Variants in DTNB observed in about 807,000 individuals in gnomAD.
DTNB encodes the protein DTN-B.
DTNB carries 63 observed loss-of-function variants against 90.7 expected under a neutral mutation model. The observed-to-expected ratio is 0.69, with a 90% confidence interval of 0.57 to 0.86. DTNB has a LOEUF of 0.86. Ranked by LOEUF, DTNB falls within the 40% of genes least tolerant of loss-of-function variation. The probability of loss-of-function intolerance (pLI) is 0.00; values close to 1 mark genes in which losing one functional copy is unlikely to be tolerated. For synonymous variants in DTNB, 277 were observed against 286.7 expected, an observed-to-expected ratio of 0.97 and a Z score of 0.34; for missense variants, 744 against 807.1, an observed-to-expected ratio of 0.92 and a Z score of 0.95.
intron 7 of DTNB, among the ~76,000 whole-genome samples, chr2:25,578,125 G>C (rs2060990006): frequency 6.6e-6 from 1 of 152,046 alleles, no homozygotes; most frequent in Non-Finnish European, 1.5e-5. Context: ...TTCTAGACTT[G>C]CTTCCAAAAA....
At chr2:25,544,999 C>G (rs1046664757) in intron 8 of DTNB, among the ~76,000 whole-genome samples, 14 of 152,152 alleles carry the variant, frequency 9.2e-5, no homozygotes, top group African/African-American at 3.4e-4. Context: ...GTAGAGAAAT[C>G]TGGATTGATC....
At chr2:25,599,814 G>A (rs1336155117) in intron 5 of DTNB, among the ~76,000 whole-genome samples, 2 of 152,170 alleles carry the variant, frequency 1.3e-5, no homozygotes, top group Non-Finnish European at 2.9e-5. Context: ...CTGGCTGCTG[G>A]TCAGGCGTGG....
chr2:25,504,066 G>A (rs1351696001), intron 9 of DTNB, among the ~76,000 whole-genome samples: 1 of 152,152 alleles, frequency 6.6e-6, no homozygotes, highest in African/African-American at 2.4e-5. Context: ...TTGGGAATTC[G>A]AGACCAGTCT....
chr2:25,658,170 T>C (rs760081716), intron 1 of DTNB, among the ~76,000 whole-genome samples: 7 of 151,724 alleles, frequency 4.6e-5, no homozygotes, highest in African/African-American at 1.5e-4. Flanking sequence ...GGCAGGAGAA[T>C]TGGTTGAACC....
At chr2:25,590,243 C>T (rs1245215706) in intron 6 of DTNB, among the ~76,000 whole-genome samples, 1 of 152,214 alleles carries the variant, frequency 6.6e-6, no homozygotes, top group African/African-American at 2.4e-5. Context: ...CACAACATGG[C>T]AAGCAAGGGG....
rs531878652 is a variant in DTNB at position 25,664,433 on chromosome 2, C to T, written c.-2+8953G>A. Among the ~76,000 whole-genome samples, 6 of 152,262 alleles carry T rather than the reference C, an allele frequency of 3.9e-5. No homozygotes were observed. The East Asian group carries it at 1.2e-3, about 29-fold the overall frequency. ...AATATGATCTGAAAGACCACTAAAC[C>T]CAGCAGAGGTGAACTAAAACATGTG... On this transcript the variant is annotated intron_variant, in intron 1 of 20. Coordinates refer to ENST00000406818, the MANE Select transcript of DTNB (RefSeq NM_021907.5).
chr2:25,399,209 C>T lies in DTNB; in HGVS notation c.1576-10848G>A, dbSNP rs549082248. ...GACTACAGGCGTGCACCACCATGCC[C>T]AGCTAATTTTTGTATTTTTAGTAGA... On this transcript the variant is annotated intron_variant, in intron 16 of 20. Coordinates refer to ENST00000406818, the MANE Select transcript of DTNB (RefSeq NM_021907.5). 3.9e-3 allele frequency among the ~76,000 whole-genome samples: 594 copies of T among 151,276 alleles called. 4 individuals carry two copies. The highest frequency in any genetic ancestry group is 0.014 in the African/African-American group (567 of 41,190).
chr2:25,534,077 A>C (rs2078852735), intron 8 of DTNB, among the ~76,000 whole-genome samples: 1 of 151,588 alleles, frequency 6.6e-6, no homozygotes, highest in Non-Finnish European at 1.5e-5. Context: ...ATAGGATAAT[A>C]GTGGAGAGGT....
At chr2:25,653,461 A>G (rs1376030947) in intron 1 of DTNB, among the ~76,000 whole-genome samples, 1 of 148,710 alleles carries the variant, frequency 6.7e-6, no homozygotes, top group Non-Finnish European at 1.5e-5. Context: ...GAAGGAAAAG[A>G]AAACTGTTCA....
chr2:25,388,820 G>GTGTGTT (rs1333782570), intron 16 of DTNB, among the ~76,000 whole-genome samples: 28 of 151,810 alleles, frequency 1.8e-4, no homozygotes, highest in Non-Finnish European at 7.4e-5. Flanking sequence ...GTGTGTGTGT[G>GTGTGTT]TGTGTGTGTG....
intron 5 of DTNB, among the ~76,000 whole-genome samples, chr2:25,602,250 G>C (rs1387076648): frequency 6.6e-6 from 1 of 152,182 alleles, no homozygotes; most frequent in African/African-American, 2.4e-5. Context: ...GGAACCACCT[G>C]AGACAAGGCT....
chr2:25,558,286 G>A, intron 8 of DTNB: 1 of 985,402 alleles, frequency 1.0e-6, no homozygotes, highest in Non-Finnish European at 1.2e-6. Flanking sequence ...AATAATCACT[G>A]ATAAATTTGA....
At chr2:25,632,192 C>CAAAAAA (rs71399307) in intron 3 of DTNB, among the ~76,000 whole-genome samples, 23 of 76,834 alleles carry the variant, frequency 3.0e-4, no homozygotes, top group Admixed American at 4.7e-4. Context: ...GACTCTGTCT[C>CAAAAAA]AAAAAAAAAA....
intron 10 of DTNB, among the ~76,000 whole-genome samples, chr2:25,480,964 C>A (rs2064812358): frequency 6.6e-6 from 1 of 152,128 alleles, no homozygotes; most frequent in Admixed American, 6.6e-5. Flanking sequence ...CTTGAGAGGG[C>A]ATTGCTGGTA....
At position 25,570,406 on chromosome 2, in the gene DTNB, C is replaced by CAAAAA. The variant is rs146251976; in HGVS notation, c.876+6427_876+6431dup. Among the ~76,000 whole-genome samples the CAAAAA allele has an allele frequency of 2.5e-3, 224 of 89,878 alleles. 6 individuals are homozygous for CAAAAA. The highest frequency in any genetic ancestry group is 9.9e-3 in the African/African-American group (195 of 19,604). 59.0% of individuals were successfully genotyped at this position (89,878 alleles called of 152,430 possible). A position where few individuals can be genotyped will look rare whatever the true frequency, so the allele number is the denominator to read the frequency against. The stretch of plus-strand genomic sequence containing the variant: ...TGGACAATAGAGTGGTTTCCTGTCT[C>CAAAAA]AAAAAAAAAAAAAAAAAAAAAAAAA... On this transcript the variant is annotated intron_variant, in intron 8 of 20. Transcript: ENST00000406818.
intron 9 of DTNB, among the ~76,000 whole-genome samples, chr2:25,517,898 C>T (rs760431935): frequency 5.3e-5 from 8 of 152,122 alleles, no homozygotes; most frequent in African/African-American, 1.2e-4. Context: ...TCCTGTCACA[C>T]GCTGCAACAC....
intron 8 of DTNB, among the ~76,000 whole-genome samples, chr2:25,566,516 T>C (rs541620788): frequency 6.6e-6 from 1 of 152,260 alleles, no homozygotes; most frequent in South Asian, 2.1e-4. Context: ...GCACAAGTCC[T>C]GGTTTGTCCA....
chr2:25,671,999 C>T (rs2384256), intron 1 of DTNB, among the ~76,000 whole-genome samples: 2 of 152,060 alleles, frequency 1.3e-5, no homozygotes, highest in Non-Finnish European at 2.9e-5. Context: ...ACACTACCCT[C>T]TTCCTTCTCA....
Position 25,554,407 on chromosome 2 carries a change from T to C in DTNB, c.876+22431A>G, listed in dbSNP as rs564222899. On this transcript the variant is annotated intron_variant, in intron 8 of 20. Coordinates refer to ENST00000406818, the MANE Select transcript of DTNB (RefSeq NM_021907.5). Reference sequence around the variant, plus strand: ...TTTTCAAAAAATTTATTGAGAATTTTACTGCTTTACAAGAGAATTAAAGGT... The same window carrying C: ...TTTTCAAAAAATTTATTGAGAATTTCACTGCTTTACAAGAGAATTAAAGGT... Among the ~76,000 whole-genome samples, 36 of 152,364 alleles carry C rather than the reference T, an allele frequency of 2.4e-4. 1 individual carries two copies. The highest frequency in any genetic ancestry group is 7.2e-4 in the African/African-American group (30 of 41,592).
Sources: gnomAD v4.1 joint callset for allele counts (sites outside exome capture counted in the v4.1 genomes callset) on GRCh38, gnomAD v4.1.1 for gene constraint, MANE v1.5 for transcripts, NCBI Gene and HGNC (gene_info 2026-07-23, HGNC 2026-07-21) for gene names.